FAM227B: variants seen among roughly 807,000 people sequenced by gnomAD.
FAM227B encodes protein FAM227B.
Under a neutral mutation model 73.8 loss-of-function variants are expected in FAM227B, and 88 were observed. The observed-to-expected ratio is 1.19, with a 90% CI of 1.00 to 1.42. FAM227B has a LOEUF of 1.42. FAM227B is among the 40% of genes most tolerant of loss of function. FAM227B has a pLI of 0.00. For missense variants in FAM227B, 632 were observed against 590.9 expected (o/e 1.07, Z -0.72); for synonymous variants, 210 against 190.5 (o/e 1.10, Z -0.84).
intron 11 of FAM227B, among the ~76,000 whole-genome samples, chr15:49,383,467 C>G (rs1237268992): frequency 6.6e-6 from 1 of 152,032 alleles, no homozygotes; most frequent in Non-Finnish European, 1.5e-5. Context: ...ATAGTATAAA[C>G]ATAACTTTTA....
intron 11 of FAM227B, among the ~76,000 whole-genome samples, chr15:49,418,798 A>C (rs2049393628): frequency 6.6e-6 from 1 of 151,198 alleles, no homozygotes; most frequent in Non-Finnish European, 1.5e-5. Context: ...AAGAAAAAAA[A>C]AGAAATATGT....
chr15:49,566,277 T>C (rs1416546279), intron 9 of FAM227B, among the ~76,000 whole-genome samples: 1 of 151,544 alleles, frequency 6.6e-6, no homozygotes, highest in Non-Finnish European at 1.5e-5. Context: ...CATTTTTTTC[T>C]ACCAGAAATG....
At chr15:49,382,045 T>C (rs1027010265) in intron 11 of FAM227B, among the ~76,000 whole-genome samples, 1 of 152,032 alleles carries the variant, frequency 6.6e-6, no homozygotes, top group Non-Finnish European at 1.5e-5. Context: ...ATTATGAAGG[T>C]ATAAGTTCTC....
chr15:49,462,401 C>T (rs1597356421), intron 11 of FAM227B, among the ~76,000 whole-genome samples: 1 of 152,070 alleles, frequency 6.6e-6, no homozygotes, highest in Non-Finnish European at 1.5e-5. Flanking sequence ...AATGCTTTTT[C>T]CCCTTGTACT....
At chr15:49,351,529 A>C (rs2042240986) in intron 13 of FAM227B, among the ~76,000 whole-genome samples, 2 of 152,234 alleles carry the variant, frequency 1.3e-5, no homozygotes, top group Admixed American at 1.3e-4. Flanking sequence ...AAAAGTAGTG[A>C]GCAATCAATG....
At chr15:49,371,767 T>C (rs1251930489) in intron 11 of FAM227B, among the ~76,000 whole-genome samples, 1 of 147,550 alleles carries the variant, frequency 6.8e-6, no homozygotes, top group African/African-American at 2.5e-5. Flanking sequence ...ATAAATGAAA[T>C]AAAATTCACT....
chr15:49,618,571 C>T (rs192802526), intron 1 of FAM227B, among the ~76,000 whole-genome samples: 59 of 152,328 alleles, frequency 3.9e-4, no homozygotes, highest in African/African-American at 1.4e-3. Flanking sequence ...AGTGATAACA[C>T]TAAATGTTGA....
chr15:49,577,357 C>T (rs1010338400), intron 6 of FAM227B: 1 of 395,876 alleles, frequency 2.5e-6, no homozygotes, highest in African/African-American at 2.1e-5. Context: ...AATTAAGAAC[C>T]CTAGCACATT....
At chr15:49,467,366 C>T (rs966732103) in intron 11 of FAM227B, among the ~76,000 whole-genome samples, 7 of 152,068 alleles carry the variant, frequency 4.6e-5, no homozygotes, top group Non-Finnish European at 8.8e-5. Context: ...ATTCTGCTCT[C>T]AGAGAAGGTA....
chr15:49,406,038 A>G (rs1052579083), intron 11 of FAM227B, among the ~76,000 whole-genome samples: 5 of 152,172 alleles, frequency 3.3e-5, no homozygotes, highest in Non-Finnish European at 7.3e-5. Context: ...CAACTCCTGG[A>G]CTGCGAGCTC....
At chr15:49,483,526 C>T (rs2056140146) in intron 11 of FAM227B, among the ~76,000 whole-genome samples, 1 of 151,934 alleles carries the variant, frequency 6.6e-6, no homozygotes, top group Admixed American at 6.6e-5. Flanking sequence ...ATTCCATGTG[C>T]ATTTTAGATA....
chr15:49,498,543 C>A (rs755283196), intron 11 of FAM227B, among the ~76,000 whole-genome samples: 5 of 152,222 alleles, frequency 3.3e-5, no homozygotes, highest in Admixed American at 6.5e-5. Flanking sequence ...GCTCCCACAG[C>A]TTAGACCATC....
intron 10 of FAM227B, among the ~76,000 whole-genome samples, chr15:49,531,556 C>T (rs2060609999): frequency 6.6e-6 from 1 of 151,824 alleles, no homozygotes; most frequent in South Asian, 2.1e-4. Flanking sequence ...GTTTAGATTT[C>T]TTGGGAGCCT....
intron 10 of FAM227B, among the ~76,000 whole-genome samples, chr15:49,514,126 C>A (rs140276830): frequency 1.3e-5 from 2 of 152,064 alleles, no homozygotes; most frequent in Non-Finnish European, 2.9e-5. Context: ...TTTGCTAATT[C>A]TGTGAAGAAT....
At chr15:49,547,908 C>T (rs533687874) in intron 9 of FAM227B, among the ~76,000 whole-genome samples, 1 of 152,330 alleles carries the variant, frequency 6.6e-6, no homozygotes, top group South Asian at 2.1e-4. Flanking sequence ...CGACACCAAA[C>T]AGGTCATCAA....
intron 12 of FAM227B, 128 bp from the exon 13 acceptor site, chr15:49,367,736 A>C (rs2045434656): frequency 3.4e-6 from 3 of 883,662 alleles, no homozygotes; most frequent in Non-Finnish European, 4.9e-6. Context: ...AAATTCTACA[A>C]AGCATCTTCT....
At chr15:49,524,063 T>C (rs1317125188) in intron 10 of FAM227B, among the ~76,000 whole-genome samples, 3 of 152,082 alleles carry the variant, frequency 2.0e-5, no homozygotes, top group African/African-American at 4.8e-5. Context: ...GAAACGAAAA[T>C]CCCATTTTCT....
intron 11 of FAM227B, among the ~76,000 whole-genome samples, chr15:49,380,769 A>T (rs1383173960): frequency 2.0e-5 from 3 of 151,616 alleles, no homozygotes; most frequent in Non-Finnish European, 4.4e-5. Flanking sequence ...GAGCTACTTA[A>T]CTCCTCTGAA....
At chr15:49,553,308 A>T (rs1252863699) in intron 9 of FAM227B, among the ~76,000 whole-genome samples, 1 of 152,212 alleles carries the variant, frequency 6.6e-6, no homozygotes, top group African/African-American at 2.4e-5. Flanking sequence ...TCTGACACCT[A>T]AAAATGTAGG....
Sources: allele counts gnomAD v4.1 joint callset (sites outside exome capture counted in the v4.1 genomes callset), GRCh38; gene constraint gnomAD v4.1.1; transcripts MANE v1.5; gene names NCBI Gene and HGNC (gene_info 2026-07-23, HGNC 2026-07-21).